PRKCZ: variants seen among roughly 807,000 people sequenced by gnomAD.
PRKCZ encodes protein kinase C zeta, also known as protein kinase C zeta type.
In PRKCZ, 33 loss-of-function variants were observed where a neutral mutation model predicts 79.5. The ratio of observed to expected loss-of-function variants is 0.41; its 90% CI spans 0.31 to 0.55. The LOEUF (loss-of-function observed/expected upper bound fraction) is 0.55. Ranked by LOEUF, PRKCZ falls within the 20% of genes least tolerant of loss-of-function variation. The pLI is 0.19. For missense variants in PRKCZ, 578 were observed against 813.5 expected, an observed-to-expected ratio of 0.71 and a Z score of 3.52; for synonymous variants, 342 against 320.9, an observed-to-expected ratio of 1.07 and a Z score of -0.70.
At position 2,127,724 on chromosome 1, in the gene PRKCZ, C is replaced by T. The variant is rs985230448; in HGVS notation, c.335-7538C>T. Among the ~76,000 whole-genome samples the T allele has an allele frequency of 1.3e-5, 2 of 152,164 alleles. No homozygotes were observed. Among genetic ancestry groups the T allele is most frequent in the Non-Finnish European group, 2.9e-5 (2 of 68,032 alleles). Reference sequence around the variant, plus strand: ...CTCCCGGTGGCTTTTTAGGACTCTGCGTTCGTGTTCTCCATTGTCCCTGGC... The same window carrying T: ...CTCCCGGTGGCTTTTTAGGACTCTGTGTTCGTGTTCTCCATTGTCCCTGGC... On this transcript the variant is annotated intron_variant, in intron 4 of 17. Transcript: ENST00000378567. This position sits in a 1 kb window ranked among gnomAD's most constrained non-coding sequence, Gnocchi z 5.1.
At chr1:2,108,403 A>G (rs1238383577) in intron 4 of PRKCZ, among the ~76,000 whole-genome samples, 1 of 152,206 alleles carries the variant, frequency 6.6e-6, no homozygotes, top group Non-Finnish European at 1.5e-5. Flanking sequence ...CCACGTCCTC[A>G]TCCCCTCTGG....
In PRKCZ at chr1:2,078,844, C is replaced by CTT. The variant is rs35626021; in HGVS notation, c.334+19268_334+19269dup. Among the ~76,000 whole-genome samples, 108 of 133,992 alleles carry CTT rather than the reference C, an allele frequency of 8.1e-4. 1 individual carries two copies. The highest frequency in any genetic ancestry group is 7.9e-3 in the Middle Eastern group (2 of 254). The allele number at this position is 133,992 out of a possible 152,430, so 87.9% of individuals were successfully genotyped here. A position where few individuals can be genotyped will look rare whatever the true frequency, so the allele number is the denominator to read the frequency against. ...TTCGATCTTTTTTCTCTGAAGGTGG[C>CTT]TTTTTTTTTTTTTTTTGAGATGGAG... is the stretch of plus-strand genomic sequence containing the variant. On this transcript the variant is annotated intron_variant, in intron 4 of 17. Coordinates refer to ENST00000378567, the MANE Select transcript of PRKCZ (RefSeq NM_002744.6).
chr1:2,061,734 A>G (rs1660695680), intron 4 of PRKCZ, among the ~76,000 whole-genome samples: 1 of 152,032 alleles, frequency 6.6e-6, no homozygotes, highest in Non-Finnish European at 1.5e-5. Context: ...TCATGGCGCT[A>G]GTGTCAGGAG....
At chr1:2,090,019 G>C (rs1217492485) in intron 4 of PRKCZ, among the ~76,000 whole-genome samples, 1 of 152,192 alleles carries the variant, frequency 6.6e-6, no homozygotes, top group African/African-American at 2.4e-5. Context: ...CCCTTGGCTG[G>C]TGGAGCCGTC....
chr1:2,084,278 G>A (rs1571247561), intron 4 of PRKCZ, among the ~76,000 whole-genome samples: 1 of 152,224 alleles, frequency 6.6e-6, no homozygotes, highest in East Asian at 1.9e-4. Context: ...TTGGCTGTTA[G>A]GAAATATTGC....
intron 6 of PRKCZ, chr1:2,145,219 T>C: frequency 6.6e-6 from 1 of 152,266 alleles, no homozygotes; most frequent in East Asian, 1.9e-4. Flanking sequence ...ATAGGTCCAC[T>C]TTAGCGTAAG....
chr1:2,170,792 G>A (rs1055258205), intron 11 of PRKCZ, among the ~76,000 whole-genome samples: 4 of 152,220 alleles, frequency 2.6e-5, no homozygotes, highest in Admixed American at 2.6e-4. Flanking sequence ...GCGTCCTCAA[G>A]ATTCATCCGT....
intron 4 of PRKCZ, among the ~76,000 whole-genome samples, chr1:2,066,448 T>C (rs1661132048): frequency 6.6e-6 from 1 of 152,204 alleles, no homozygotes; most frequent in Admixed American, 6.5e-5. Context: ...GTTCAAGTGA[T>C]TCTCCTGCCT....
chr1:2,101,455 C>A (rs1403595905), intron 4 of PRKCZ, among the ~76,000 whole-genome samples: 1 of 152,150 alleles, frequency 6.6e-6, no homozygotes, highest in Admixed American at 6.5e-5. Flanking sequence ...ACCCCTGGTG[C>A]GAGACATCCT....
chr1:2,093,896 T>C (rs553393569), intron 4 of PRKCZ, among the ~76,000 whole-genome samples: 1 of 152,224 alleles, frequency 6.6e-6, no homozygotes, highest in South Asian at 2.1e-4. Context: ...TCCGCGGCCG[T>C]CAGCGTTGCA....
rs1036789949 is a variant in PRKCZ at position 2,094,881 on chromosome 1, T to A, written c.334+35290T>A. On this transcript the variant is annotated intron_variant, in intron 4 of 17. Coordinates refer to ENST00000378567, the MANE Select transcript of PRKCZ (RefSeq NM_002744.6). This position sits in a 1 kb window ranked among gnomAD's most constrained non-coding sequence, Gnocchi z 7.3. The stretch of plus-strand genomic sequence containing the variant: ...AGAGTCACTTCTCTTAGAGCCTGGT[T>A]TTGGCCCTCTCTCTCCTGCCTATAA... Among the ~76,000 whole-genome samples the A allele has an allele frequency of 3.9e-5, 6 of 152,162 alleles. No homozygotes were observed. Among genetic ancestry groups the A allele is most frequent in the African/African-American group, 1.2e-4 (5 of 41,412 alleles).
chr1:2,092,940 C>A (rs1458279085), intron 4 of PRKCZ, among the ~76,000 whole-genome samples: 1 of 152,200 alleles, frequency 6.6e-6, no homozygotes, highest in Non-Finnish European at 1.5e-5. Context: ...GCATAGAGGG[C>A]CCCAGGCCTC....
At chr1:2,180,495 C>CGGACGCACAGATGACGT (rs1221518575) in intron 16 of PRKCZ, among the ~76,000 whole-genome samples, 8 of 151,548 alleles carry the variant, frequency 5.3e-5, no homozygotes, top group East Asian at 3.9e-4. Flanking sequence ...ACAGACGACG[C>CGGACGCACAGATGACGT]GGACGCACAG....
upstream of PRKCZ, chr1:2,049,728 T>C (rs906041063): frequency 6.6e-6 from 1 of 152,374 alleles, no homozygotes; most frequent in Admixed American, 6.6e-5. Context: ...TGGGCGGCGG[T>C]GGAGGGGCCT....
In PRKCZ at chr1:2,174,561, C is replaced by T. The variant is rs1398987131; in HGVS notation, c.1406-193C>T. Among the ~76,000 whole-genome samples, 2 of 152,208 alleles carry T rather than the reference C, an allele frequency of 1.3e-5. No individual in the cohort carries two copies. Among genetic ancestry groups the T allele is most frequent in the Non-Finnish European group, 2.9e-5 (2 of 68,044 alleles). ...CGTCCGATCCTACGACACGTGCCAG[C>T]GCATGTAACCAGGAGGCCCAGGGAG... On this transcript the variant is annotated intron_variant, in intron 14 of 17. Transcript: ENST00000378567. The surrounding 1 kb of genome is among the most constrained non-coding windows in gnomAD (Gnocchi z 6.2).
At chr1:2,142,592 C>A in intron 5 of PRKCZ, 2 of 245,020 alleles carry the variant, frequency 8.2e-6, no homozygotes, top group Non-Finnish European at 1.6e-5. Flanking sequence ...CCCATCCCTC[C>A]TTCGAATAGA....
At chr1:2,116,979 C>A (rs578240094) in intron 4 of PRKCZ, among the ~76,000 whole-genome samples, 43 of 152,126 alleles carry the variant, frequency 2.8e-4, no homozygotes, top group African/African-American at 9.9e-4. Context: ...GCAGACAGGA[C>A]CTCACTCTTG....
chr1:2,094,087 A>C lies in PRKCZ; in HGVS notation c.334+34496A>C, dbSNP rs1290420962. On this transcript the variant is annotated intron_variant, in intron 4 of 17. Coordinates refer to ENST00000378567, the MANE Select transcript of PRKCZ (RefSeq NM_002744.6). The surrounding 1 kb of genome is among the most constrained non-coding windows in gnomAD (Gnocchi z 7.3). ...CTGTTTGTCCTGTCCTAGCGCAGCC[A>C]CATCCCTTGGGAGCCTGCTTGTCTC... 1.3e-5 allele frequency among the ~76,000 whole-genome samples: 2 copies of C among 152,120 alleles called. No homozygotes were observed. The highest frequency in any genetic ancestry group is 2.4e-5 in the African/African-American group (1 of 41,400).
At chr1:2,103,893 C>T (rs1667918235) in intron 4 of PRKCZ, among the ~76,000 whole-genome samples, 1 of 152,184 alleles carries the variant, frequency 6.6e-6, no homozygotes, top group Admixed American at 6.5e-5. Context: ...CAACGCGCCC[C>T]CGTTTAAACA....
Sources: allele counts gnomAD v4.1 joint callset (sites outside exome capture counted in the v4.1 genomes callset), GRCh38; gene constraint gnomAD v4.1.1; non-coding constraint Gnocchi (gnomAD v3.1); transcripts MANE v1.5; gene names NCBI Gene and HGNC (gene_info 2026-07-23, HGNC 2026-07-21).